The following NUP43 variants were observed in gnomAD, a reference collection of about 807,000 sequenced individuals.
NUP43 encodes nucleoporin 43.
NUP43 carries 32 observed loss-of-function variants against 47.3 expected under a neutral mutation model. The ratio of observed to expected loss-of-function variants is 0.68; its 90% CI spans 0.51 to 0.91. NUP43 has a LOEUF of 0.91. Among genes scored for constraint, NUP43 ranks in the 40% least tolerant of loss-of-function variants. The pLI, the probability that NUP43 is intolerant of heterozygous loss-of-function variation, is 0.00. For synonymous variants in NUP43, 147 were observed against 158.4 expected (o/e 0.93, Z 0.54); for missense variants, 444 against 453.9 (o/e 0.98, Z 0.20).
chr6:149,732,183 GAA>G (rs11430528), intron 6 of NUP43, among the ~76,000 whole-genome samples: 1 of 107,360 alleles, frequency 9.3e-6, no homozygotes, highest in Non-Finnish European at 1.9e-5. Flanking sequence ...CACTGTCTGA[GAA>G]AAAAAAAAAA....
At chr6:149,743,783 T>A in intron 2 of NUP43, 68 bp from the exon 3 acceptor site, 1 of 914,908 alleles carries the variant, frequency 1.1e-6, no homozygotes, top group Non-Finnish European at 1.7e-6. Context: ...ATTTGTTTAT[T>A]TAACTCAATT....
At chr6:149,746,239 C>T (rs1251146385) in intron 1 of NUP43, 137 bp downstream of exon 1, 1 of 1,399,998 alleles carries the variant, frequency 7.1e-7, no homozygotes, top group South Asian at 1.3e-5. Flanking sequence ...ACGGAGCAAC[C>T]GCGCCTGAGA....
At chr6:149,742,013 C>A (rs1416582381) in intron 4 of NUP43, among the ~76,000 whole-genome samples, 1 of 152,058 alleles carries the variant, frequency 6.6e-6, no homozygotes, top group African/African-American at 2.4e-5. Flanking sequence ...CATGCGCCAC[C>A]ACGCCTGGCT....
At chr6:149,727,298 G>A in intron 7 of NUP43, 100 bp from the exon 8 acceptor site, 2 of 1,463,448 alleles carry the variant, frequency 1.4e-6, no homozygotes, top group South Asian at 1.4e-5. Flanking sequence ...TGATATCAAT[G>A]TGTTTAATTC....
At chr6:149,730,412 T>C (rs1562374380) in intron 7 of NUP43, among the ~76,000 whole-genome samples, 1 of 152,194 alleles carries the variant, frequency 6.6e-6, no homozygotes, top group Non-Finnish European at 1.5e-5. Flanking sequence ...TTTGCCACTG[T>C]CTATGCTATG....
At chr6:149,729,688 T>A (rs1392750388) in intron 7 of NUP43, among the ~76,000 whole-genome samples, 1 of 152,166 alleles carries the variant, frequency 6.6e-6, no homozygotes, top group African/African-American at 2.4e-5. Flanking sequence ...TCCTTCTACA[T>A]CTAAGGTAGT....
rs61756083 is a variant in NUP43, at chr6:149,731,629, C to T, written c.897G>A (p.Ser299=). ...AAGTTTTACCTTGGTGAAAGAGTGA[C>T]GACTTTTCAGGTACATCTGTGGAAG... The part of the protein sequence containing the change: ...WDASTDVPEK[S]SLFHQGGRSS... Residue 299 remains serine, a synonymous_variant, in exon 7 of 8, where the codon TCG becomes TCA. Transcript: ENST00000340413. 1,529 of 1,612,170 alleles carry T rather than the reference C, an allele frequency of 9.5e-4. 9 individuals are homozygous for T. The Middle Eastern group carries it at 0.013, about 14-fold the overall frequency.
chr6:149,727,268 A>G lies in NUP43; in HGVS notation c.914-70T>C. The G allele has an allele frequency of 1.3e-6, 2 of 1,518,278 alleles. 1 individual carries two copies. The allele number at this position is 1,518,278 out of a possible 1,614,324, so 94.1% of individuals were successfully genotyped here. ...TATATTAGTAAACATTCAAACTTCTACTGATATTTAGAAAGGTGATGATAT... is the reference window on the plus strand; with the variant it reads ...TATATTAGTAAACATTCAAACTTCTGCTGATATTTAGAAAGGTGATGATAT... On this transcript the variant is annotated intron_variant, in intron 7 of 7. Coordinates refer to ENST00000340413, the MANE Select transcript of NUP43 (RefSeq NM_198887.3).
At chr6:149,730,716 A>G (rs1784991003) in intron 7 of NUP43, among the ~76,000 whole-genome samples, 1 of 152,082 alleles carries the variant, frequency 6.6e-6, no homozygotes. Flanking sequence ...AGATTGCTTG[A>G]GCTCAGGAGT....
At position 149,746,390 on chromosome 6, in the gene NUP43, A is replaced by G. The variant is rs1786003938; in HGVS notation, c.106T>C (p.Ser36Pro). ...AGCGGCGATACCTCATTGTCCCAAG[A>G]TCCTGTAGCGAACGTCTCCGCGGTC... is the stretch of plus-strand genomic sequence containing the variant. ...LQTAETFATG[S>P]WDNEENYISL... Residue 36 changes from serine to proline, a missense_variant, in exon 1 of 8, where the codon TCT becomes CCT. Transcript: ENST00000340413. 6.2e-7 allele frequency: 1 copy of G among 1,614,056 alleles called. No homozygotes were observed.
intron 7 of NUP43, among the ~76,000 whole-genome samples, chr6:149,729,881 C>T (rs1163788260): frequency 6.6e-6 from 1 of 152,104 alleles, no homozygotes; most frequent in Non-Finnish European, 1.5e-5. Flanking sequence ...AGCAAAAGAA[C>T]TTTGGAGCCA....
At chr6:149,749,109 G>A (rs1786178847), upstream of NUP43, among the ~76,000 whole-genome samples, 1 of 151,582 alleles carries the variant, frequency 6.6e-6, no homozygotes, top group Non-Finnish European at 1.5e-5. Flanking sequence ...GCAAAGCTTT[G>A]CCCCAACCCC....
At chr6:149,744,343 T>C (rs1395483932) in intron 2 of NUP43, among the ~76,000 whole-genome samples, 1 of 135,794 alleles carries the variant, frequency 7.4e-6, no homozygotes, top group Non-Finnish European at 1.6e-5. Flanking sequence ...GGCCAATACG[T>C]TGAAACCTCA....
At chr6:149,742,277 C>T (rs772520848) in intron 4 of NUP43, 113 bp downstream of exon 4, 161 of 893,234 alleles carry the variant, frequency 1.8e-4, no homozygotes, top group Non-Finnish European at 2.5e-4. Flanking sequence ...CCACCTGCCT[C>T]GGCCTCCCAA....
intron 3 of NUP43, 102 bp downstream of exon 3, chr6:149,743,536 G>A (rs189746112): frequency 2.9e-5 from 19 of 656,846 alleles, no homozygotes; most frequent in East Asian, 5.7e-5. Context: ...TGGAGGCTGC[G>A]GTGAGCCGAG....
rs1308029726 is a variant in NUP43, at chr6:149,726,798, GT to G, written c.*170del. On this transcript the variant is annotated 3_prime_UTR_variant, in exon 8 of 8. Transcript: ENST00000340413. ...CAGTCATCTATCGGATTCTACAACT[GT>G]TTGGGAGTGTCAGGCTAACAAAAGT... The G allele has an allele frequency of 1.6e-6, 1 of 609,624 alleles. No individual in the cohort carries two copies. Among genetic ancestry groups the G allele is most frequent in the Non-Finnish European group, 2.9e-6 (1 of 341,720 alleles). The allele number at this position is 609,624 out of a possible 1,614,324, so 37.8% of individuals were successfully genotyped here. A position where few individuals can be genotyped will look rare whatever the true frequency, so the allele number is the denominator to read the frequency against.
Position 149,746,255 on chromosome 6 carries a change from G to T in NUP43, c.120+121C>A, listed in dbSNP as rs571729352. ...CGGAGCAACCGCGCCTGAGACAGGG[G>T]TCCGGGGGACCTAAAAGTGCGAGAA... On this transcript the variant is annotated intron_variant, in intron 1 of 7. Transcript: ENST00000340413. 1.4e-5 allele frequency: 21 copies of T among 1,459,306 alleles called. No homozygotes were observed. The East Asian group carries it at 4.1e-4, about 28-fold the overall frequency. The allele number at this position is 1,459,306 out of a possible 1,614,324, so 90.4% of individuals were successfully genotyped here.
chr6:149,736,984 GT>G (rs960819315), intron 5 of NUP43, among the ~76,000 whole-genome samples: 150 of 149,888 alleles, frequency 1.0e-3, no homozygotes, highest in Admixed American at 1.8e-3. Context: ...TGCCCAGCCT[GT>G]TTTTTTTTGT....
chr6:149,741,320 T>C (rs1286105619), intron 4 of NUP43, among the ~76,000 whole-genome samples: 1 of 151,724 alleles, frequency 6.6e-6, no homozygotes, highest in East Asian at 1.9e-4. Flanking sequence ...ATTACAGGCC[T>C]GTGCCACCAT....
Sources: allele counts gnomAD v4.1 joint callset (sites outside exome capture counted in the v4.1 genomes callset), GRCh38; gene constraint gnomAD v4.1.1; transcripts MANE v1.5; gene names NCBI Gene and HGNC (gene_info 2026-07-23, HGNC 2026-07-21).